The following PHYHIPL variants were observed in gnomAD, a reference collection of about 807,000 sequenced individuals.
The protein encoded by PHYHIPL is phytanoyl-CoA hydroxylase-interacting protein-like.
A neutral mutation model predicts 33.4 loss-of-function variants in PHYHIPL; 9 were observed. The observed-to-expected ratio is 0.27, with a 90% CI of 0.16 to 0.47. The LOEUF (loss-of-function observed/expected upper bound fraction) is 0.47, where lower values mean the gene tolerates loss of function less well. PHYHIPL is among the 20% of genes least tolerant of loss of function. The pLI, the probability that PHYHIPL is intolerant of heterozygous loss-of-function variation, is 0.99. For missense variants in PHYHIPL, 365 were observed against 460.7 expected, an observed-to-expected ratio of 0.79 and a Z score of 1.90; for synonymous variants, 153 against 154.1, an observed-to-expected ratio of 0.99 and a Z score of 0.05.
intron 1 of PHYHIPL, among the ~76,000 whole-genome samples, chr10:59,219,071 G>C (rs1839692456): frequency 6.6e-6 from 1 of 151,978 alleles, no homozygotes; most frequent in Admixed American, 6.6e-5. Flanking sequence ...TGTGGAATCT[G>C]TCCTCAGCAT....
intron 1 of PHYHIPL, among the ~76,000 whole-genome samples, chr10:59,186,810 T>C (rs1838619734): frequency 1.3e-5 from 2 of 152,202 alleles, no homozygotes; most frequent in South Asian, 2.1e-4. Context: ...TGTACATTGA[T>C]TTTTTATCCT....
In PHYHIPL at chr10:59,236,638, T is replaced by C. The variant is rs1416668632; in HGVS notation, c.459T>C (p.Ile153=). The part of the protein sequence containing the change: ...GDYVVSEWSE[I]IEFCTADYSK... Reference sequence around the variant, plus strand: ...ATGTTGTGTCTGAATGGAGTGAAATTATAGAATTCTGCACCGCAGGTAAGA... The same window carrying C: ...ATGTTGTGTCTGAATGGAGTGAAATCATAGAATTCTGCACCGCAGGTAAGA... Residue 153 remains isoleucine, a synonymous_variant, in exon 3 of 5, where the codon ATT becomes ATC. Coordinates refer to ENST00000373880, the MANE Select transcript of PHYHIPL (RefSeq NM_032439.4). 1.9e-6 allele frequency: 3 copies of C among 1,603,428 alleles called. No homozygotes were observed. In the African/African-American group the frequency reaches 4.0e-5, roughly 22 times the overall value.
At chr10:59,190,333 T>A (rs960373735) in intron 1 of PHYHIPL, among the ~76,000 whole-genome samples, 1 of 151,866 alleles carries the variant, frequency 6.6e-6, no homozygotes, top group African/African-American at 2.4e-5. Context: ...AATAAACTGA[T>A]CAAGACCAAA....
intron 1 of PHYHIPL, among the ~76,000 whole-genome samples, chr10:59,178,977 A>T (rs1414701768): frequency 6.6e-6 from 1 of 152,156 alleles, no homozygotes; most frequent in African/African-American, 2.4e-5. Context: ...GTTTTATTTT[A>T]TAAAATAGTA....
At chr10:59,223,487 C>T (rs958433668) in intron 1 of PHYHIPL, among the ~76,000 whole-genome samples, 2 of 152,154 alleles carry the variant, frequency 1.3e-5, no homozygotes, top group Non-Finnish European at 2.9e-5. Flanking sequence ...TACTTATCCT[C>T]AGTTCCTAGC....
At chr10:59,197,206 C>A (rs1343848109) in intron 1 of PHYHIPL, among the ~76,000 whole-genome samples, 2 of 152,184 alleles carry the variant, frequency 1.3e-5, no homozygotes, top group African/African-American at 4.8e-5. Flanking sequence ...ATTCTATCTC[C>A]TCAGTGGTCT....
At chr10:59,201,958 A>G (rs1278875969) in intron 1 of PHYHIPL, among the ~76,000 whole-genome samples, 1 of 152,200 alleles carries the variant, frequency 6.6e-6, no homozygotes, top group Non-Finnish European at 1.5e-5. Flanking sequence ...AGAGTAAAGC[A>G]AAAGAATTTG....
At chr10:59,227,975 G>GATATATATAT (rs1554799094) in intron 1 of PHYHIPL, among the ~76,000 whole-genome samples, 5 of 145,488 alleles carry the variant, frequency 3.4e-5, no homozygotes, top group African/African-American at 1.3e-4. Flanking sequence ...TGCCTATTGA[G>GATATATATAT]ATATATATAT....
chr10:59,210,678 A>G (rs188129179), intron 1 of PHYHIPL, among the ~76,000 whole-genome samples: 354 of 152,356 alleles, frequency 2.3e-3, no homozygotes, highest in Middle Eastern at 0.014. Flanking sequence ...AACCGACCCA[A>G]ATGCTCATCA....
chr10:59,182,018 A>G (rs1186373430), intron 1 of PHYHIPL, among the ~76,000 whole-genome samples: 1 of 152,192 alleles, frequency 6.6e-6, no homozygotes, highest in Non-Finnish European at 1.5e-5. Flanking sequence ...TTCTTCCTAA[A>G]TTAGGCCCAA....
chr10:59,226,331 A>T (rs1839921651), intron 1 of PHYHIPL, among the ~76,000 whole-genome samples: 1 of 152,180 alleles, frequency 6.6e-6, no homozygotes, highest in Non-Finnish European at 1.5e-5. Context: ...ACAGAAACAG[A>T]TCCAATATAC....
intron 4 of PHYHIPL, among the ~76,000 whole-genome samples, chr10:59,241,385 A>AAAT (rs1234538369): frequency 1.3e-5 from 2 of 152,158 alleles, no homozygotes; most frequent in African/African-American, 4.8e-5. Flanking sequence ...CTTCCTCTAG[A>AAAT]AATGAATTCC....
At chr10:59,244,549 T>G in intron 4 of PHYHIPL, among the ~76,000 whole-genome samples, 1 of 77,496 alleles carries the variant, frequency 1.3e-5, no homozygotes, top group Non-Finnish European at 2.5e-5. Context: ...GGCAACAGAG[T>G]GAGACTCTGT....
chr10:59,244,745 TAATG>T (rs772929000), intron 4 of PHYHIPL, among the ~76,000 whole-genome samples: 1 of 152,062 alleles, frequency 6.6e-6, no homozygotes, highest in Non-Finnish European at 1.5e-5. Flanking sequence ...AGTTGGCACT[TAATG>T]TATGTGTGAT....
chr10:59,198,894 A>T (rs1305849605), intron 1 of PHYHIPL, among the ~76,000 whole-genome samples: 2 of 151,846 alleles, frequency 1.3e-5, no homozygotes, highest in Non-Finnish European at 2.9e-5. Context: ...CCACTTTTTG[A>T]TGGGTTTGTT....
intron 1 of PHYHIPL, among the ~76,000 whole-genome samples, chr10:59,218,326 G>T (rs1839672070): frequency 6.6e-6 from 1 of 152,124 alleles, no homozygotes. Context: ...CACTCGTCCT[G>T]TTGTAAAAGA....
At chr10:59,227,140 T>C (rs1839948047) in intron 1 of PHYHIPL, among the ~76,000 whole-genome samples, 1 of 152,174 alleles carries the variant, frequency 6.6e-6, no homozygotes, top group Non-Finnish European at 1.5e-5. Context: ...CAGTCTATTT[T>C]CTGTTGGTAT....
intron 1 of PHYHIPL, among the ~76,000 whole-genome samples, chr10:59,216,365 G>T (rs1476200326): frequency 3.9e-5 from 6 of 152,062 alleles, no homozygotes; most frequent in Non-Finnish European, 8.8e-5. Flanking sequence ...TATTGATCTA[G>T]ATCCTGTTCA....
At chr10:59,189,593 G>A (rs1422401467) in intron 1 of PHYHIPL, among the ~76,000 whole-genome samples, 1 of 151,648 alleles carries the variant, frequency 6.6e-6, no homozygotes, top group Non-Finnish European at 1.5e-5. Context: ...TCTGAATTAA[G>A]AACAGGAAAA....
Sources: allele counts gnomAD v4.1 joint callset (sites outside exome capture counted in the v4.1 genomes callset), GRCh38; gene constraint gnomAD v4.1.1; transcripts MANE v1.5; gene names NCBI Gene and HGNC (gene_info 2026-07-23, HGNC 2026-07-21).